KHDRBS2: variants seen among roughly 807,000 people sequenced by gnomAD.
The protein encoded by KHDRBS2 is KH domain-containing, RNA-binding, signal transduction-associated protein 2.
A neutral mutation model predicts 44.3 loss-of-function variants in KHDRBS2; 26 were observed. The ratio of observed to expected loss-of-function variants is 0.59; its 90% confidence interval spans 0.43 to 0.81. The LOEUF is 0.81. Among genes scored for constraint, KHDRBS2 ranks in the 40% least tolerant of loss-of-function variants. The pLI is 0.00. For synonymous variants in KHDRBS2, 194 were observed against 151.1 expected (o/e 1.28, Z -2.08); for missense variants, 476 against 433.1 (o/e 1.10, Z -0.88).
At chr6:61,842,077 C>T (rs1385604799) in intron 6 of KHDRBS2, among the ~76,000 whole-genome samples, 1 of 152,140 alleles carries the variant, frequency 6.6e-6, no homozygotes, top group East Asian at 1.9e-4. Context: ...TCTATGTGTT[C>T]TTGGCTTCTA....
At chr6:62,131,567 C>T (rs950982403) in intron 2 of KHDRBS2, among the ~76,000 whole-genome samples, 4 of 152,152 alleles carry the variant, frequency 2.6e-5, no homozygotes, top group African/African-American at 9.7e-5. Flanking sequence ...AACAGTGACA[C>T]TGATGAAACA....
the KHDRBS2 span, among the ~76,000 whole-genome samples, chr6:61,608,454 G>T: frequency 1.3e-5 from 2 of 151,506 alleles, no homozygotes; most frequent in South Asian, 4.2e-4. Context: ...TTTTAATTAG[G>T]TATAATTAAG....
intron 2 of KHDRBS2, among the ~76,000 whole-genome samples, chr6:62,153,343 G>GA (rs924056764): frequency 1.1e-4 from 17 of 150,046 alleles, no homozygotes; most frequent in African/African-American, 2.0e-4. Context: ...TAGTAATAAA[G>GA]AAAAAAAAAT....
At chr6:61,711,824 AG>A (rs2127551099) in intron 7 of KHDRBS2, among the ~76,000 whole-genome samples, 1 of 152,012 alleles carries the variant, frequency 6.6e-6, no homozygotes, top group South Asian at 2.1e-4. Flanking sequence ...GAAGGAAATC[AG>A]GTCTATGGGC....
At chr6:62,130,509 TAAC>T (rs1305656764) in intron 2 of KHDRBS2, among the ~76,000 whole-genome samples, 2 of 152,164 alleles carry the variant, frequency 1.3e-5, no homozygotes, top group Non-Finnish European at 2.9e-5. Context: ...ATAGGGAAGA[TAAC>T]AATTGTTAAT....
At chr6:61,665,507 C>T in the KHDRBS2 span, among the ~76,000 whole-genome samples, 1 of 151,318 alleles carries the variant, frequency 6.6e-6, no homozygotes, top group East Asian at 2.0e-4. Flanking sequence ...TATTTCTAAA[C>T]TTTACTGGCT....
the KHDRBS2 span, among the ~76,000 whole-genome samples, chr6:61,558,868 C>A: frequency 3.6e-4 from 55 of 152,192 alleles, no homozygotes; most frequent in African/African-American, 1.3e-3. Flanking sequence ...GAGTCATATG[C>A]TGAGGAAAGG....
intron 4 of KHDRBS2, among the ~76,000 whole-genome samples, chr6:61,947,334 T>A (rs1813581424): frequency 6.6e-6 from 1 of 152,166 alleles, no homozygotes; most frequent in Non-Finnish European, 1.5e-5. Context: ...CTGTTAAAGA[T>A]GCTGCCCAAT....
chr6:61,807,965 A>G (rs1316339030), intron 6 of KHDRBS2, among the ~76,000 whole-genome samples: 1 of 152,144 alleles, frequency 6.6e-6, no homozygotes, highest in East Asian at 1.9e-4. Flanking sequence ...ATCAAGTGTC[A>G]TGTTACGGAG....
intron 2 of KHDRBS2, among the ~76,000 whole-genome samples, chr6:62,169,002 G>A (rs1452802622): frequency 7.9e-6 from 1 of 126,424 alleles, no homozygotes; most frequent in Non-Finnish European, 1.6e-5. Flanking sequence ...AGAAGAAATA[G>A]CTAATGTTAA....
chr6:61,649,382 T>A, the KHDRBS2 span, among the ~76,000 whole-genome samples: 12 of 152,184 alleles, frequency 7.9e-5, no homozygotes, highest in Non-Finnish European at 1.8e-4. Flanking sequence ...CAAATGCATG[T>A]GTAAACATTT....
At chr6:61,776,199 C>T (rs1275967592) in intron 6 of KHDRBS2, among the ~76,000 whole-genome samples, 1 of 152,076 alleles carries the variant, frequency 6.6e-6, no homozygotes, top group Non-Finnish European at 1.5e-5. Context: ...TAGAAGAAAA[C>T]GTAGGCATTA....
intron 1 of KHDRBS2, among the ~76,000 whole-genome samples, chr6:62,274,932 T>C (rs1295093079): frequency 1.3e-5 from 2 of 151,770 alleles, no homozygotes; most frequent in African/African-American, 4.8e-5. Context: ...TATACATATA[T>C]CGCTCATCAA....
chr6:61,769,711 C>T (rs1780553316), intron 6 of KHDRBS2, among the ~76,000 whole-genome samples: 1 of 152,202 alleles, frequency 6.6e-6, no homozygotes, highest in South Asian at 2.1e-4. Flanking sequence ...GTGGAGCCCA[C>T]CACAGTTCAA....
chr6:61,938,881 C>T (rs1165573821), intron 4 of KHDRBS2, among the ~76,000 whole-genome samples: 2 of 152,028 alleles, frequency 1.3e-5, no homozygotes, highest in African/African-American at 2.4e-5. Flanking sequence ...AGATGTTGCA[C>T]CAAGTGTCCT....
chr6:62,062,304 C>A (rs529004321), intron 2 of KHDRBS2, among the ~76,000 whole-genome samples: 168 of 145,270 alleles, frequency 1.2e-3, no homozygotes, highest in African/African-American at 4.1e-3. Flanking sequence ...GAACTTTCCA[C>A]CCCAAATCAA....
rs989826378 is a variant in KHDRBS2, at chr6:62,026,474, C to T, written c.336+21404G>A. Among the ~76,000 whole-genome samples, 6 of 148,980 alleles carry T rather than the reference C, an allele frequency of 4.0e-5. No individual in the cohort carries two copies. The South Asian group carries it at 6.3e-4, about 16-fold the overall frequency. On this transcript the variant is annotated intron_variant, in intron 3 of 8. Coordinates refer to ENST00000281156, the MANE Select transcript of KHDRBS2 (RefSeq NM_152688.4). Reference sequence around the variant, plus strand: ...TGGAGAAAAGGTCTCATTCTGTTGTCGAGGCTGGATGGCAGAGGCACAATA... The same window carrying T: ...TGGAGAAAAGGTCTCATTCTGTTGTTGAGGCTGGATGGCAGAGGCACAATA...
chr6:61,824,258 A>G (rs1562251829), intron 6 of KHDRBS2, among the ~76,000 whole-genome samples: 3 of 152,014 alleles, frequency 2.0e-5, no homozygotes, highest in Non-Finnish European at 4.4e-5. Context: ...TGGGAGGTGA[A>G]TGGATCATGA....
At chr6:62,064,970 A>G (rs1793192918) in intron 2 of KHDRBS2, among the ~76,000 whole-genome samples, 1 of 152,232 alleles carries the variant, frequency 6.6e-6, no homozygotes, top group African/African-American at 2.4e-5. Flanking sequence ...AAGTGGGTGA[A>G]GGACATGAAC....
Sources: allele counts gnomAD v4.1 joint callset (sites outside exome capture counted in the v4.1 genomes callset), GRCh38; gene constraint gnomAD v4.1.1; transcripts MANE v1.5; gene names NCBI Gene and HGNC (gene_info 2026-07-23, HGNC 2026-07-21).